The following FAAH2 variants were observed in gnomAD, a reference collection of about 807,000 sequenced individuals.
FAAH2 encodes fatty-acid amide hydrolase 2.
A neutral mutation model predicts 36.9 loss-of-function variants in FAAH2; 60 were observed. That is an observed-to-expected ratio of 1.63 (90% confidence interval 1.32 to 2.02). The LOEUF (loss-of-function observed/expected upper bound fraction) is 2.02. FAAH2 is among the 30% of genes most tolerant of loss of function. FAAH2 has a pLI of 0.00. For missense variants in FAAH2, 689 were observed against 397.5 expected (o/e 1.73, Z -6.23); for synonymous variants, 214 against 143.8 (o/e 1.49, Z -3.49).
At chrX:57,224,390 G>A in the FAAH2 span, among the ~76,000 whole-genome samples, 2 of 111,509 alleles carry the variant, frequency 1.8e-5, no homozygotes, top group East Asian at 5.6e-4. Flanking sequence ...CATGCCTGAA[G>A]TAATTATTGA....
the FAAH2 span, among the ~76,000 whole-genome samples, chrX:57,237,739 A>G: frequency 4.5e-5 from 5 of 111,408 alleles, no homozygotes; most frequent in Non-Finnish European, 9.4e-5. Flanking sequence ...AATTTTTTGG[A>G]AACTATGCAT....
At chrX:57,463,264 C>A (rs1412836917) in intron 10 of FAAH2, among the ~76,000 whole-genome samples, 1 of 111,122 alleles carries the variant, frequency 9.0e-6, no homozygotes, top group Non-Finnish European at 1.9e-5. Flanking sequence ...ATTCTATTCC[C>A]ATCAAGGTAT....
At chrX:57,351,641 A>G (rs984462038) in intron 5 of FAAH2, among the ~76,000 whole-genome samples, 1 of 110,191 alleles carries the variant, frequency 9.1e-6, no homozygotes, top group African/African-American at 3.3e-5. Flanking sequence ...CAAAGGAAAC[A>G]TTGAAATTTA....
chrX:57,172,236 T>G, the FAAH2 span, among the ~76,000 whole-genome samples: 1 of 111,856 alleles, frequency 8.9e-6, no homozygotes, highest in African/African-American at 3.3e-5. Flanking sequence ...CTTTTTGGGT[T>G]GTTTTTTGGT....
At chrX:57,467,867 C>T (rs1164545292) in intron 10 of FAAH2, among the ~76,000 whole-genome samples, 2 of 111,698 alleles carry the variant, frequency 1.8e-5, no homozygotes, top group African/African-American at 6.5e-5. Flanking sequence ...CAGACTGACA[C>T]CTCACACAGC....
intron 4 of FAAH2, 140 bp from the exon 5 acceptor site, chrX:57,341,131 A>G (rs2053675667): frequency 4.0e-6 from 2 of 504,272 alleles, no homozygotes; most frequent in Admixed American, 5.0e-5. Flanking sequence ...TAAAATTATG[A>G]TCTAAATATA....
At chrX:57,184,343 C>A in the FAAH2 span, among the ~76,000 whole-genome samples, 1 of 111,718 alleles carries the variant, frequency 9.0e-6, no homozygotes, top group Non-Finnish European at 1.9e-5. Context: ...CTTTTTAAAA[C>A]CCTTAATAAA....
At chrX:57,487,781 T>C (rs1243294908) in intron 10 of FAAH2, among the ~76,000 whole-genome samples, 1 of 112,064 alleles carries the variant, frequency 8.9e-6, no homozygotes, top group African/African-American at 3.2e-5. Context: ...TATATGTATA[T>C]ATATGCTCAA....
At chrX:57,237,901 C>G in the FAAH2 span, among the ~76,000 whole-genome samples, 5 of 111,593 alleles carry the variant, frequency 4.5e-5, no homozygotes, top group East Asian at 1.4e-3. Flanking sequence ...ATTAAAAAAG[C>G]TTAATATCAC....
At chrX:57,257,385 C>G in the FAAH2 span, among the ~76,000 whole-genome samples, 1 of 111,496 alleles carries the variant, frequency 9.0e-6, no homozygotes, top group Non-Finnish European at 1.9e-5. Context: ...TTGTTCATGT[C>G]CTTTGCAGGG....
intron 1 of FAAH2, among the ~76,000 whole-genome samples, chrX:57,291,709 T>C (rs1036031329): frequency 1.5e-4 from 17 of 111,162 alleles, no homozygotes; most frequent in Non-Finnish European, 2.3e-4. Flanking sequence ...GGGGGTTCTG[T>C]TTTGCTTTGC....
chrX:57,359,969 T>TG (rs1254852311), intron 5 of FAAH2, among the ~76,000 whole-genome samples: 2 of 107,667 alleles, frequency 1.9e-5, no homozygotes, highest in African/African-American at 6.9e-5. Context: ...TTTTTCAGGG[T>TG]GTTTTTTTTT....
chrX:57,175,547 G>A, the FAAH2 span, among the ~76,000 whole-genome samples: 3 of 111,749 alleles, frequency 2.7e-5, no homozygotes, highest in East Asian at 2.8e-4. Flanking sequence ...TTTAAGTGGA[G>A]CATTTAGATG....
At chrX:57,439,288 G>A (rs1021150782) in intron 8 of FAAH2, among the ~76,000 whole-genome samples, 4 of 110,216 alleles carry the variant, frequency 3.6e-5, no homozygotes, top group East Asian at 2.9e-4. Flanking sequence ...TTTAATGATC[G>A]CCATTCTAAG....
At chrX:57,148,639 A>C in the FAAH2 span, among the ~76,000 whole-genome samples, 1 of 112,074 alleles carries the variant, frequency 8.9e-6, no homozygotes, top group Non-Finnish European at 1.9e-5. Flanking sequence ...GAAGTTGCTT[A>C]TCGGCTTAAG....
chrX:57,122,337 G>A, the FAAH2 span, among the ~76,000 whole-genome samples: 1 of 111,381 alleles, frequency 9.0e-6, no homozygotes. Context: ...TTGAGCACCT[G>A]TTACATATCT....
chrX:57,250,083 G>T, the FAAH2 span, among the ~76,000 whole-genome samples: 3 of 111,844 alleles, frequency 2.7e-5, no homozygotes, highest in Non-Finnish European at 5.6e-5. Flanking sequence ...TTATTTAGAT[G>T]GCATTTAAAA....
the FAAH2 span, among the ~76,000 whole-genome samples, chrX:57,280,479 T>C: frequency 4.5e-5 from 5 of 110,323 alleles, no homozygotes; most frequent in Admixed American, 9.7e-5. Flanking sequence ...CCTAGGGAAA[T>C]GCAAATTTAA....
At chrX:57,267,893 A>T in the FAAH2 span, among the ~76,000 whole-genome samples, 1 of 112,599 alleles carries the variant, frequency 8.9e-6, no homozygotes, top group Non-Finnish European at 1.9e-5. Flanking sequence ...GCCCACAAAA[A>T]TGAGATTCAG....
Sources: allele counts gnomAD v4.1 joint callset (sites outside exome capture counted in the v4.1 genomes callset), GRCh38; gene constraint gnomAD v4.1.1; transcripts MANE v1.5; gene names NCBI Gene and HGNC (gene_info 2026-07-23, HGNC 2026-07-21).